DENND4C: variants seen among roughly 807,000 people sequenced by gnomAD.
The protein encoded by DENND4C is DENN domain-containing protein 4C.
In DENND4C, 108 loss-of-function variants were observed where a neutral mutation model predicts 203.0. The ratio of observed to expected loss-of-function variants is 0.53; its 90% CI spans 0.46 to 0.62. DENND4C has a LOEUF of 0.62. Ranked by LOEUF, DENND4C falls within the 20% of genes least tolerant of loss-of-function variation. The pLI is 0.00. For missense variants in DENND4C, 2,481 were observed against 2,301.2 expected (o/e 1.08, Z -1.60); for synonymous variants, 871 against 792.4 (o/e 1.10, Z -1.67).
Position 19,346,445 on chromosome 9 carries a change from G to A in DENND4C, c.3676G>A (p.Asp1226Asn). ...QSRDLKTVSK[D>N]LRNKRSSLYG... ...CAGAGACTTGAAAACAGTATCCAAA[G>A]ATCTGAGGAATAAGAGAAGTAGTTT... The change falls in exon 23 of 33, where the codon GAT becomes AAT. Residue 1226 changes from aspartate (D) to asparagine (N), a missense_variant. Coordinates refer to ENST00000434457, the MANE Select transcript of DENND4C (RefSeq NM_001330640.2). The A allele has an allele frequency of 6.2e-7, 1 of 1,614,136 alleles. No homozygotes were observed. The highest frequency in any genetic ancestry group is 8.5e-7 in the Non-Finnish European group (1 of 1,180,018).
At chr9:19,246,970 A>G (rs1034634517) in intron 1 of DENND4C, among the ~76,000 whole-genome samples, 2 of 151,892 alleles carry the variant, frequency 1.3e-5, no homozygotes, top group Admixed American at 6.6e-5. Flanking sequence ...CTAAGATTCC[A>G]TTTTTTCCCC....
chr9:19,331,057 A>T (rs1222706664), intron 16 of DENND4C, among the ~76,000 whole-genome samples: 2 of 151,050 alleles, frequency 1.3e-5, no homozygotes, highest in Non-Finnish European at 3.0e-5. Context: ...ACTCTGTCTT[A>T]AAAAAAAATA....
At chr9:19,354,603 G>A (rs1438962705) in intron 26 of DENND4C, among the ~76,000 whole-genome samples, 2 of 140,258 alleles carry the variant, frequency 1.4e-5, no homozygotes, top group African/African-American at 2.7e-5. Flanking sequence ...CGCCCAGGCT[G>A]GAGTCCAATG....
rs1842416235 is a variant in DENND4C at position 19,319,341 on chromosome 9, T to TATACACACATATATATACATATATAC, written c.1807+2505_1807+2506insCACACATATATATACATATATACATA. Among the ~76,000 whole-genome samples the TATACACACATATATATACATATATAC allele has an allele frequency of 1.3e-4, 5 of 39,614 alleles. 1 individual carries two copies. Among genetic ancestry groups the TATACACACATATATATACATATATAC allele is most frequent in the African/African-American group, 5.1e-4 (5 of 9,788 alleles). The allele number at this position is 39,614 out of a possible 152,430, so 26.0% of individuals were successfully genotyped here. A position where few individuals can be genotyped will look rare whatever the true frequency, so the allele number is the denominator to read the frequency against. On this transcript the variant is annotated intron_variant, in intron 12 of 32. Transcript: ENST00000434457. The stretch of plus-strand genomic sequence containing the variant: ...ACATATATATACATATATATACACA[T>TATACACACATATATATACATATATAC]ATATATATACTTATATATACACACA...
chr9:19,294,346 A>G (rs958737135), intron 5 of DENND4C, among the ~76,000 whole-genome samples: 2 of 152,122 alleles, frequency 1.3e-5, no homozygotes, highest in African/African-American at 4.8e-5. Flanking sequence ...ACAGCAAAGG[A>G]ATAAAGAGTT....
chr9:19,281,524 C>G (rs190505331), intron 2 of DENND4C, among the ~76,000 whole-genome samples: 13 of 152,256 alleles, frequency 8.5e-5, no homozygotes, highest in Admixed American at 3.9e-4. Context: ...AACACTGTTG[C>G]TAAACTTTTG....
rs145435667 is a variant in DENND4C, at chr9:19,245,528, C to G, written c.-18+14695C>G. Among the ~76,000 whole-genome samples the G allele has an allele frequency of 3.0e-4, 45 of 148,984 alleles. 1 individual carries two copies. In the East Asian group the frequency reaches 7.7e-3, roughly 25 times the overall value. On this transcript the variant is annotated intron_variant, in intron 1 of 32. Coordinates refer to ENST00000434457, the MANE Select transcript of DENND4C (RefSeq NM_001330640.2). ...ATAGTCAGGACGGAGAACCATTACC[C>G]TAGACTTTATCACCATGATCTGTAA...
intron 16 of DENND4C, 23 bp downstream of exon 16, chr9:19,328,185 C>T: frequency 1.9e-6 from 3 of 1,587,388 alleles, no homozygotes; most frequent in Non-Finnish European, 1.7e-6. Context: ...TTATCTAATA[C>T]ATGTTCATTT....
In DENND4C at chr9:19,282,559, T is replaced by TA. The variant is rs55934794; in HGVS notation, c.306-4194dup. On this transcript the variant is annotated intron_variant, in intron 2 of 32. Transcript: ENST00000434457. ...ATGTGCCACCACGCCTGGCAAAAATTAAAAAAAAAAAAAAAATAATGGGGT... is the reference window on the plus strand; with the variant it reads ...ATGTGCCACCACGCCTGGCAAAAATTAAAAAAAAAAAAAAAAATAATGGGGT... 7.3e-3 allele frequency among the ~76,000 whole-genome samples: 1,002 copies of TA among 137,196 alleles called. 12 individuals carry two copies. Among genetic ancestry groups the TA allele is most frequent in the African/African-American group, 0.022 (833 of 37,110 alleles). 90.0% of individuals were successfully genotyped at this position (137,196 alleles called of 152,430 possible). A position where few individuals can be genotyped will look rare whatever the true frequency, so the allele number is the denominator to read the frequency against.
chr9:19,310,294 T>C (rs889615336), intron 10 of DENND4C, among the ~76,000 whole-genome samples: 7 of 152,242 alleles, frequency 4.6e-5, no homozygotes, highest in African/African-American at 1.7e-4. Flanking sequence ...GAAGTAGTTA[T>C]AGTTGGTATC....
Position 19,336,270 on chromosome 9 carries a change from G to C in DENND4C, c.2590G>C (p.Val864Leu), listed in dbSNP as rs1285357824. ...NAITYGYYNKVVLESPWPSST... is the reference protein window; with the variant it reads ...NAITYGYYNKLVLESPWPSST... Reference sequence around the variant, plus strand: ...ATTTTTACCCTTATTTTACCTTTAGGTAGTCTTGGAGAGCCCGTGGCCTAG... The same window carrying C: ...ATTTTTACCCTTATTTTACCTTTAGCTAGTCTTGGAGAGCCCGTGGCCTAG... The change falls in exon 19 of 33, where the codon GTA becomes CTA. Residue 864 changes from valine to leucine, a missense_variant and splice_region_variant. By Grantham distance (32) the Val-to-Leu change is conservative. Coordinates refer to ENST00000434457, the MANE Select transcript of DENND4C (RefSeq NM_001330640.2). 3 of 1,607,150 alleles carry C rather than the reference G, an allele frequency of 1.9e-6. No individual in the cohort carries two copies. The South Asian group carries it at 3.3e-5, about 18-fold the overall frequency.
At chr9:19,259,165 G>A (rs1305040421) in intron 1 of DENND4C, among the ~76,000 whole-genome samples, 2 of 151,952 alleles carry the variant, frequency 1.3e-5, no homozygotes, top group Admixed American at 6.6e-5. Flanking sequence ...TAGTCATCCT[G>A]TTGTGCTATC....
In DENND4C at chr9:19,335,086, C is replaced by T; in HGVS notation, c.2570C>T (p.Thr857Ile). ...KTARIKPNAI[T>I]YGYYNKVVLE... is the part of the protein sequence containing the mutation. ...GCTAGGATAAAGCCTAATGCTATTA[C>T]TTATGGTTATTATAATAAGGTAAGT... The change falls in exon 18 of 33, where the codon ACT (threonine) becomes ATT (isoleucine). Residue 857 changes from threonine (T) to isoleucine (I), a missense_variant. Around this residue, in one of 3 missense-constraint regions of DENND4C, gnomAD observed 2,289 missense variants for 2,113.3 expected, o/e 1.08. Coordinates refer to ENST00000434457, the MANE Select transcript of DENND4C (RefSeq NM_001330640.2). 1 of 1,598,392 alleles carries T rather than the reference C, an allele frequency of 6.3e-7. No individual in the cohort carries two copies. Among genetic ancestry groups the T allele is most frequent in the Non-Finnish European group, 8.5e-7 (1 of 1,173,338 alleles).
At chr9:19,245,894 C>G (rs891233970) in intron 1 of DENND4C, among the ~76,000 whole-genome samples, 9 of 151,798 alleles carry the variant, frequency 5.9e-5, no homozygotes, top group African/African-American at 2.2e-4. Context: ...TAACTCTGAC[C>G]TCCACTTCCT....
At chr9:19,325,130 T>G (rs1192217861) in intron 13 of DENND4C, among the ~76,000 whole-genome samples, 1 of 152,090 alleles carries the variant, frequency 6.6e-6, no homozygotes. Flanking sequence ...TGAATAAGAT[T>G]TAGTTTAAGA....
intron 9 of DENND4C, among the ~76,000 whole-genome samples, chr9:19,304,838 C>T (rs1274490649): frequency 4.0e-5 from 6 of 151,662 alleles, no homozygotes; most frequent in Non-Finnish European, 5.9e-5. Flanking sequence ...CGTGAGCCAC[C>T]GCGCCCGGCC....
chr9:19,252,077 C>T (rs1826748804), intron 1 of DENND4C, among the ~76,000 whole-genome samples: 1 of 152,158 alleles, frequency 6.6e-6, no homozygotes, highest in Admixed American at 6.5e-5. Context: ...TAAAGGCATA[C>T]CTGAGACTGG....
chr9:19,356,462 A>G (rs1825416539), intron 26 of DENND4C, among the ~76,000 whole-genome samples: 1 of 152,132 alleles, frequency 6.6e-6, no homozygotes, highest in Admixed American at 6.6e-5. Context: ...AGTCCCACCC[A>G]AAGAGAGAAG....
intron 1 of DENND4C, among the ~76,000 whole-genome samples, chr9:19,236,068 A>C (rs1193965246): frequency 1.3e-5 from 2 of 151,432 alleles, no homozygotes; most frequent in Non-Finnish European, 2.9e-5. Context: ...GTGTATATGC[A>C]GTTCAATTAT....
Sources: gnomAD v4.1 joint callset for allele counts (sites outside exome capture counted in the v4.1 genomes callset) on GRCh38, gnomAD v4.1.1 for gene constraint, gnomAD v4.1.1 regional missense constraint, MANE v1.5 for transcripts, NCBI Gene and HGNC (gene_info 2026-07-23, HGNC 2026-07-21) for gene names.